Variants in ERC2 observed in about 807,000 individuals in gnomAD.
ERC2 encodes ELKS/RAB6-interacting/CAST family member 2.
Under a neutral mutation model 114.8 loss-of-function variants are expected in ERC2, and 42 were observed. The observed-to-expected ratio is 0.37, with a 90% CI of 0.29 to 0.47. The LOEUF (loss-of-function observed/expected upper bound fraction) is 0.47. Among genes scored for constraint, ERC2 ranks in the 20% least tolerant of loss-of-function variants. ERC2 has a pLI of 0.99. For missense variants in ERC2, 939 were observed against 1,150.7 expected, an observed-to-expected ratio of 0.82 and a Z score of 2.66; for synonymous variants, 454 against 425.5, an observed-to-expected ratio of 1.07 and a Z score of -0.82.
intron 3 of ERC2, among the ~76,000 whole-genome samples, chr3:56,258,826 C>T (rs1286936044): frequency 6.6e-6 from 1 of 152,308 alleles, no homozygotes; most frequent in African/African-American, 2.4e-5. Context: ...GTGCCCCAAA[C>T]TCCACTTTGT....
At chr3:56,343,233 A>C (rs1356467364) in intron 2 of ERC2, among the ~76,000 whole-genome samples, 1 of 77,834 alleles carries the variant, frequency 1.3e-5, no homozygotes, top group African/African-American at 4.1e-5. Flanking sequence ...CAATACACAC[A>C]TACACAAACA....
chr3:55,573,928 T>A (rs2056848967), intron 17 of ERC2, among the ~76,000 whole-genome samples: 1 of 152,148 alleles, frequency 6.6e-6, no homozygotes, highest in Non-Finnish European at 1.5e-5. Flanking sequence ...GCGCTTCTCC[T>A]CATCACCAAA....
At chr3:56,070,324 T>C (rs2076674054) in intron 7 of ERC2, among the ~76,000 whole-genome samples, 1 of 152,176 alleles carries the variant, frequency 6.6e-6, no homozygotes, top group African/African-American at 2.4e-5. Context: ...TTTCAAAAAC[T>C]ATAAGCAATA....
intron 17 of ERC2, among the ~76,000 whole-genome samples, chr3:55,677,581 G>C (rs564360421): frequency 3.9e-5 from 6 of 152,190 alleles, no homozygotes; most frequent in African/African-American, 1.4e-4. Flanking sequence ...CACAGCCCTG[G>C]GGGTGTCACA....
intron 17 of ERC2, among the ~76,000 whole-genome samples, chr3:55,555,503 AGGG>A (rs2055540067): frequency 6.6e-6 from 1 of 152,198 alleles, no homozygotes; most frequent in South Asian, 2.1e-4. Context: ...TTGCAATGTT[AGGG>A]GGAGGGTCAC....
chr3:56,138,430 A>T (rs996953615), intron 6 of ERC2, among the ~76,000 whole-genome samples: 2 of 152,224 alleles, frequency 1.3e-5, no homozygotes, highest in Non-Finnish European at 2.9e-5. Context: ...GAATTGAAGC[A>T]TTCAGGTAGC....
intron 4 of ERC2, among the ~76,000 whole-genome samples, chr3:56,159,941 G>A (rs1235900451): frequency 6.6e-6 from 1 of 152,066 alleles, no homozygotes; most frequent in Non-Finnish European, 1.5e-5. Context: ...GCATGTCTTT[G>A]CTATGGTGAA....
chr3:56,419,504 G>T (rs2061305145), intron 2 of ERC2, among the ~76,000 whole-genome samples: 1 of 152,180 alleles, frequency 6.6e-6, no homozygotes, highest in Non-Finnish European at 1.5e-5. Flanking sequence ...AATACACTTA[G>T]TGAATGCAGT....
chr3:56,007,774 A>T (rs888377744), intron 9 of ERC2, among the ~76,000 whole-genome samples: 2 of 152,146 alleles, frequency 1.3e-5, no homozygotes, highest in African/African-American at 4.8e-5. Flanking sequence ...CTACATTTTT[A>T]TCAAATCCCA....
At chr3:56,447,171 CTG>C (rs2062614641) in intron 1 of ERC2, among the ~76,000 whole-genome samples, 1 of 152,260 alleles carries the variant, frequency 6.6e-6, no homozygotes, top group Non-Finnish European at 1.5e-5. Flanking sequence ...ACATGGCACA[CTG>C]TGTCTGAGCT....
chr3:55,570,633 G>T (rs1447125346), intron 17 of ERC2, among the ~76,000 whole-genome samples: 1 of 152,116 alleles, frequency 6.6e-6, no homozygotes, highest in Non-Finnish European at 1.5e-5. Flanking sequence ...AAGAACAGAT[G>T]GTCTGTGGTC....
chr3:55,789,317 C>T (rs919819594), intron 14 of ERC2, among the ~76,000 whole-genome samples: 4 of 152,224 alleles, frequency 2.6e-5, no homozygotes, highest in African/African-American at 9.6e-5. Flanking sequence ...CATAGGGAAG[C>T]TGAGAGTCTT....
intron 6 of ERC2, among the ~76,000 whole-genome samples, chr3:56,130,043 T>A (rs1406808673): frequency 2.6e-5 from 4 of 152,228 alleles, no homozygotes; most frequent in African/African-American, 4.8e-5. Context: ...GTTGGAACAC[T>A]TATAATGAGA....
At chr3:56,007,353 A>T in intron 9 of ERC2, 32 bp from the exon 10 acceptor site, 1 of 1,571,744 alleles carries the variant, frequency 6.4e-7, no homozygotes, top group Non-Finnish European at 8.6e-7. Flanking sequence ...TGAGTAAAAC[A>T]CTGAAATTTC....
At chr3:55,943,621 A>G (rs931722216) in intron 13 of ERC2, among the ~76,000 whole-genome samples, 2 of 152,184 alleles carry the variant, frequency 1.3e-5, no homozygotes, top group Non-Finnish European at 2.9e-5. Flanking sequence ...CTATAAAATA[A>G]AGATAGATAA....
chr3:56,168,349 C>T lies in ERC2; in HGVS notation c.1149+5097G>A, dbSNP rs573215623. On this transcript the variant is annotated intron_variant, in intron 4 of 17. Transcript: ENST00000288221. ...GTGCTGTTATTGTTTTTAATAGCCA[C>T]AAAAGGAGCAGGGGCATATTCTTAA... is the stretch of plus-strand genomic sequence containing the variant. Among the ~76,000 whole-genome samples, 12 of 152,224 alleles carry T rather than the reference C, an allele frequency of 7.9e-5. No homozygotes were observed. In the South Asian group the frequency reaches 1.5e-3, roughly 18 times the overall value.
intron 3 of ERC2, among the ~76,000 whole-genome samples, chr3:56,228,910 G>T (rs749482403): frequency 7.2e-5 from 11 of 152,062 alleles, no homozygotes; most frequent in Non-Finnish European, 1.3e-4. Context: ...TGGGGGATGG[G>T]GTAGGGCAGG....
chr3:56,452,330 G>A (rs1340879365), intron 1 of ERC2, among the ~76,000 whole-genome samples: 1 of 152,164 alleles, frequency 6.6e-6, no homozygotes, highest in African/African-American at 2.4e-5. Flanking sequence ...TGAATATGGT[G>A]GGAAAATTGA....
chr3:55,685,683 A>T (rs1476818833), intron 16 of ERC2, among the ~76,000 whole-genome samples: 2 of 152,144 alleles, frequency 1.3e-5, no homozygotes, highest in African/African-American at 4.8e-5. Context: ...TGGAGGCCCT[A>T]GCTTTCATCA....
Sources: gnomAD v4.1 joint callset for allele counts (sites outside exome capture counted in the v4.1 genomes callset) on GRCh38, gnomAD v4.1.1 for gene constraint, MANE v1.5 for transcripts, NCBI Gene and HGNC (gene_info 2026-07-23, HGNC 2026-07-21) for gene names.